ALAD: variants seen among roughly 807,000 people sequenced by gnomAD.
ALAD encodes the protein aminolevulinate dehydratase, also known as delta-aminolevulinic acid dehydratase.
A neutral mutation model predicts 44.4 loss-of-function variants in ALAD; 20 were observed. That is an observed-to-expected ratio of 0.45 (90% CI 0.32 to 0.65). The LOEUF (loss-of-function observed/expected upper bound fraction) is 0.65, where lower values mean the gene tolerates loss of function less well. Among genes scored for constraint, ALAD ranks in the 30% least tolerant of loss-of-function variants. The pLI is 0.05. For synonymous variants in ALAD, 156 were observed against 167.9 expected (o/e 0.93, Z 0.55); for missense variants, 323 against 445.7 (o/e 0.72, Z 2.48).
intron 1 of ALAD, among the ~76,000 whole-genome samples, chr9:113,398,497 G>A (rs962994724): frequency 3.9e-5 from 6 of 152,274 alleles, no homozygotes; most frequent in South Asian, 2.1e-4. Flanking sequence ...GCCTGAGACC[G>A]GGGCAGGGTT....
At chr9:113,394,959 G>C (rs966021838) in intron 1 of ALAD, among the ~76,000 whole-genome samples, 12 of 152,058 alleles carry the variant, frequency 7.9e-5, no homozygotes, top group African/African-American at 2.9e-4. Context: ...GGAGGCTGAG[G>C]CAGGAGAACT....
Position 113,389,600 on chromosome 9 carries a change from A to AGT in ALAD, c.712_713insAC (p.Val238AspfsTer15). 1 of 1,614,124 alleles carries AGT rather than the reference A, an allele frequency of 6.2e-7. No individual in the cohort carries two copies. Among genetic ancestry groups the AGT allele is most frequent in the Non-Finnish European group, 8.5e-7 (1 of 1,180,030 alleles). ...GGGGCTCAAGTCCTAGTCACTCACC[A>AGT]CAGCTCGGAGAGCCAGGCCTCGTGC... On this transcript the variant is annotated frameshift_variant and splice_region_variant, in exon 9 of 12. Coordinates refer to ENST00000409155, the MANE Select transcript of ALAD (RefSeq NM_000031.6). LOFTEE classifies it high-confidence loss of function.
rs1200875638 is a variant in ALAD at position 113,393,574 on chromosome 9, G to A, written c.-15C>T. On this transcript the variant is annotated 5_prime_UTR_variant, in exon 2 of 12. Coordinates refer to ENST00000409155, the MANE Select transcript of ALAD (RefSeq NM_000031.6). Reference sequence around the variant, plus strand: ...TGGGGCTGCATGGCGTGGGCCAGTGGGCACAGGGGCATCAGTTGGTTGGAA... The same window carrying A: ...TGGGGCTGCATGGCGTGGGCCAGTGAGCACAGGGGCATCAGTTGGTTGGAA... 7 of 1,605,796 alleles carry A rather than the reference G, an allele frequency of 4.4e-6. No individual in the cohort carries two copies. Among genetic ancestry groups the A allele is most frequent in the South Asian group, 1.1e-5 (1 of 90,886 alleles).
At chr9:113,388,564 A>T (rs957901938) in intron 11 of ALAD, among the ~76,000 whole-genome samples, 53 of 152,224 alleles carry the variant, frequency 3.5e-4, no homozygotes, top group African/African-American at 1.3e-3. Flanking sequence ...CAGTTTACCA[A>T]AGAATAAAAT....
Position 113,390,880 on chromosome 9 carries a change from G to A in ALAD, c.315C>T (p.Ile105=). 1 of 1,614,164 alleles carries A rather than the reference G, an allele frequency of 6.2e-7. No individual in the cohort carries two copies. ...TGGGGAAGGTCTTCCTCAACAGATG[G>A]ATTGCCTCAATAGCTGGGGACTCCT... ...DSEESPAIEA[I]HLLRKTFPNL... Residue 105 remains isoleucine (I), a synonymous_variant, in exon 5 of 12, where the codon ATC becomes ATT. Coordinates refer to ENST00000409155, the MANE Select transcript of ALAD (RefSeq NM_000031.6).
intron 3 of ALAD, 28 bp downstream of exon 3, chr9:113,392,091 G>A (rs371264974): frequency 4.4e-6 from 7 of 1,581,702 alleles, no homozygotes; most frequent in African/African-American, 1.3e-5. Context: ...TCCACCACCC[G>A]CTGGCCCCCC....
Position 113,393,572 on chromosome 9 carries a change from T to A in ALAD, c.-13A>T. 1 of 1,609,472 alleles carries A rather than the reference T, an allele frequency of 6.2e-7. No individual in the cohort carries two copies. The highest frequency in any genetic ancestry group is 1.1e-5 in the South Asian group (1 of 90,938). On this transcript the variant is annotated 5_prime_UTR_variant, in exon 2 of 12. Coordinates refer to ENST00000409155, the MANE Select transcript of ALAD (RefSeq NM_000031.6). The stretch of plus-strand genomic sequence containing the variant: ...ACTGGGGCTGCATGGCGTGGGCCAG[T>A]GGGCACAGGGGCATCAGTTGGTTGG...
Position 113,390,279 on chromosome 9 carries a change from C to T in ALAD, c.570+126G>A, listed in dbSNP as rs922969808. On this transcript the variant is annotated intron_variant, in intron 7 of 11. Coordinates refer to ENST00000409155, the MANE Select transcript of ALAD (RefSeq NM_000031.6). ...TCAAGTGATCTACCTGCCTCAGCCT[C>T]CCAAAGTGCTGGGACTACAGGTGTG... 4.0e-6 allele frequency: 4 copies of T among 1,001,140 alleles called. No individual in the cohort carries two copies. In the South Asian group the frequency reaches 5.4e-5, roughly 14 times the overall value. The allele number at this position is 1,001,140 out of a possible 1,614,324, so 62.0% of individuals were successfully genotyped here. A position where few individuals can be genotyped will look rare whatever the true frequency, so the allele number is the denominator to read the frequency against.
chr9:113,393,667 G>A (rs1273564165), intron 1 of ALAD, 33 bp from the exon 2 acceptor site: 4 of 879,948 alleles, frequency 4.5e-6, no homozygotes, highest in Non-Finnish European at 7.6e-6. Context: ...CATGAGACAT[G>A]GTCCCTGTCC....
Position 113,389,076 on chromosome 9 carries a change from C to G in ALAD, c.832G>C (p.Val278Leu). Reference sequence around the variant, plus strand: ...CACAGCATGGCAAACTCTCCAGAGACGTGGTACACGGCGAGAGGGAGGTCA... The same window carrying G: ...CACAGCATGGCAAACTCTCCAGAGAGGTGGTACACGGCGAGAGGGAGGTCA... The part of the protein sequence containing the change: ...HPDLPLAVYH[V>L]SGEFAMLWHG... Residue 278 changes from valine (V) to leucine (L), a missense_variant, in exon 11 of 12, where the codon GTC (valine) becomes CTC (leucine). Val to Leu is a conservative substitution (Grantham distance 32). Coordinates refer to ENST00000409155, the MANE Select transcript of ALAD (RefSeq NM_000031.6). The G allele has an allele frequency of 6.2e-7, 1 of 1,613,966 alleles. No individual in the cohort carries two copies. Among genetic ancestry groups the G allele is most frequent in the Non-Finnish European group, 8.5e-7 (1 of 1,180,032 alleles).
chr9:113,389,210 T>C, intron 10 of ALAD, 104 bp from the exon 11 acceptor site: 1 of 1,539,438 alleles, frequency 6.5e-7, no homozygotes, highest in East Asian at 2.4e-5. Context: ...GAGCCCCGTG[T>C]CCTGGGTTAC....
At chr9:113,392,346 A>G in intron 2 of ALAD, 177 bp from the exon 3 acceptor site, 1 of 1,507,728 alleles carries the variant, frequency 6.6e-7, no homozygotes, top group Non-Finnish European at 8.9e-7. Flanking sequence ...CTGAAATAAT[A>G]ATAGGAACAA....
At chr9:113,400,544 C>A (rs560204731) in intron 1 of ALAD, among the ~76,000 whole-genome samples, 1 of 152,162 alleles carries the variant, frequency 6.6e-6, no homozygotes, top group South Asian at 2.1e-4. Flanking sequence ...TGGGTCAGGC[C>A]GGGCGTGGTG....
rs1163407292 is a variant in ALAD at position 113,391,572 on chromosome 9, G to A, written c.216C>T (p.Gly72=). Reference sequence around the variant, plus strand: ...CGCCAAAGATCAAGACACAGCGTAGGCCCTCTTCCACCAAGGGCCTCAGCA... The same window carrying A: ...CGCCAAAGATCAAGACACAGCGTAGACCCTCTTCCACCAAGGGCCTCAGCA... ...EEMLRPLVEE[G]LRCVLIFGVP... The change falls in exon 4 of 12, where the codon GGC becomes GGT. Residue 72 remains glycine, a synonymous_variant. Coordinates refer to ENST00000409155, the MANE Select transcript of ALAD (RefSeq NM_000031.6). 1 of 1,613,964 alleles carries A rather than the reference G, an allele frequency of 6.2e-7. No homozygotes were observed. The highest frequency in any genetic ancestry group is 1.3e-5 in the African/African-American group (1 of 74,904).
rs765852338 is a variant in ALAD, at chr9:113,390,453, G to A, written c.522C>T (p.Arg174=). The A allele has an allele frequency of 1.9e-5, 31 of 1,613,944 alleles. No homozygotes were observed. The highest frequency in any genetic ancestry group is 1.6e-4 in the Middle Eastern group (1 of 6,082). The change falls in exon 7 of 12, where the codon CGC becomes CGT. Residue 174 remains arginine (R), a synonymous_variant. Coordinates refer to ENST00000409155, the MANE Select transcript of ALAD (RefSeq NM_000031.6). Reference sequence around the variant, plus strand: ...TCAGGGCCTCTTTGATGGCTTCCACGCGTCCATCCATCATGTCCGACGGGG... The same window carrying A: ...TCAGGGCCTCTTTGATGGCTTCCACACGTCCATCCATCATGTCCGACGGGG... The part of the protein sequence containing the change: ...VVAPSDMMDG[R]VEAIKEALMA...
At chr9:113,390,373 T>G in intron 7 of ALAD, 32 bp downstream of exon 7, 2 of 1,602,532 alleles carry the variant, frequency 1.2e-6, no homozygotes, top group Non-Finnish European at 1.7e-6. Context: ...GACTATCTCC[T>G]GCCAGCCCTG....
At chr9:113,399,340 G>A (rs1827804719) in intron 1 of ALAD, among the ~76,000 whole-genome samples, 1 of 152,212 alleles carries the variant, frequency 6.6e-6, no homozygotes, top group South Asian at 2.1e-4. Flanking sequence ...GTGGGGCTGG[G>A]TTGGAACGAG....
Position 113,389,587 on chromosome 9 carries a change from C to T in ALAD, c.714+12G>A, listed in dbSNP as rs759409230. On this transcript the variant is annotated intron_variant, in intron 9 of 11. Coordinates refer to ENST00000409155, the MANE Select transcript of ALAD (RefSeq NM_000031.6). ...GGGGGCTGAGGGTGGGGCTCAAGTC[C>T]TAGTCACTCACCACAGCTCGGAGAG... is the stretch of plus-strand genomic sequence containing the variant. The T allele has an allele frequency of 2.5e-6, 4 of 1,614,024 alleles. No individual in the cohort carries two copies. The highest frequency in any genetic ancestry group is 3.4e-6 in the Non-Finnish European group (4 of 1,180,022).
At chr9:113,396,388 CAAA>C (rs11299029) in intron 1 of ALAD, 4 of 92,146 alleles carry the variant, frequency 4.3e-5, no homozygotes, top group South Asian at 4.2e-4. Flanking sequence ...GACTCCATCT[CAAA>C]AAAAAAAAAA....
Sources: gnomAD v4.1 joint callset for allele counts (sites outside exome capture counted in the v4.1 genomes callset) on GRCh38, gnomAD v4.1.1 for gene constraint, MANE v1.5 for transcripts, NCBI Gene and HGNC (gene_info 2026-07-23, HGNC 2026-07-21) for gene names.